Variants in CCDC171 observed in about 807,000 individuals in gnomAD.
CCDC171 encodes the protein coiled-coil domain containing 171.
In CCDC171, 177 loss-of-function variants were observed where a neutral mutation model predicts 168.2. The observed-to-expected ratio is 1.05, with a 90% CI of 0.93 to 1.19. The LOEUF is 1.19. CCDC171 is among the 50% of genes most tolerant of loss of function. The pLI is 0.00. For missense variants in CCDC171, 1,991 were observed against 1,539.0 expected, an observed-to-expected ratio of 1.29 and a Z score of -4.91; for synonymous variants, 687 against 540.8, an observed-to-expected ratio of 1.27 and a Z score of -3.75.
intron 1 of CCDC171, among the ~76,000 whole-genome samples, chr9:15,555,025 AT>A (rs1242365908): frequency 6.6e-6 from 1 of 152,156 alleles, no homozygotes; most frequent in East Asian, 1.9e-4. Flanking sequence ...AGATGAGTGC[AT>A]TTGGGATGAC....
intron 23 of CCDC171, among the ~76,000 whole-genome samples, chr9:15,858,332 A>G (rs1367026843): frequency 6.6e-6 from 1 of 151,930 alleles, no homozygotes; most frequent in East Asian, 1.9e-4. Flanking sequence ...TTTGTAATGT[A>G]TTTTGAAGTC....
intron 24 of CCDC171, among the ~76,000 whole-genome samples, chr9:15,903,983 A>T (rs904591797): frequency 1.3e-5 from 2 of 152,200 alleles, no homozygotes; most frequent in African/African-American, 4.8e-5. Flanking sequence ...AGAAAACAGA[A>T]TGAAAAGAAA....
intron 11 of CCDC171, among the ~76,000 whole-genome samples, chr9:15,704,363 A>G (rs1439450333): frequency 6.6e-6 from 1 of 152,234 alleles, no homozygotes; most frequent in East Asian, 1.9e-4. Flanking sequence ...TCTTTAACAA[A>G]TGAATAAGTA....
intron 3 of CCDC171, among the ~76,000 whole-genome samples, chr9:16,010,167 C>G (rs1319804334): frequency 6.6e-6 from 1 of 152,114 alleles, no homozygotes; most frequent in Non-Finnish European, 1.5e-5. Context: ...TGTGTGTGTA[C>G]TTTGTGGAGG....
intron 11 of CCDC171, among the ~76,000 whole-genome samples, chr9:15,714,972 A>G (rs899232756): frequency 5.3e-5 from 8 of 152,178 alleles, no homozygotes; most frequent in African/African-American, 1.9e-4. Flanking sequence ...TATGTTAAAC[A>G]TGTCCACTTT....
chr9:15,938,129 T>C (rs1011861694), intron 25 of CCDC171, among the ~76,000 whole-genome samples: 3 of 151,914 alleles, frequency 2.0e-5, no homozygotes, highest in African/African-American at 7.2e-5. Context: ...ACCAGTCTTA[T>C]GAGGGAAATG....
chr9:16,082,165 T>C, the CCDC171 span, among the ~76,000 whole-genome samples: 2 of 152,222 alleles, frequency 1.3e-5, no homozygotes, highest in Non-Finnish European at 2.9e-5. Context: ...ACCTTTCATT[T>C]CTAGACAACT....
At chr9:15,874,742 C>T in intron 24 of CCDC171, 79 bp downstream of exon 24, 2 of 1,318,076 alleles carry the variant, frequency 1.5e-6, no homozygotes, top group South Asian at 1.9e-5. Context: ...ATGAAAGCCT[C>T]AAAGTATTGT....
chr9:15,869,852 C>G (rs902402964), intron 23 of CCDC171, among the ~76,000 whole-genome samples: 1 of 151,686 alleles, frequency 6.6e-6, no homozygotes, highest in Non-Finnish European at 1.5e-5. Flanking sequence ...GCGATATAAA[C>G]TTGACTCACT....
At chr9:15,812,303 ACT>A (rs1030675327) in intron 21 of CCDC171, among the ~76,000 whole-genome samples, 7 of 152,164 alleles carry the variant, frequency 4.6e-5, no homozygotes, top group Non-Finnish European at 8.8e-5. Context: ...CCTATTGCAC[ACT>A]CATATACATA....
chr9:15,943,084 TTG>T (rs1827908636), intron 25 of CCDC171, among the ~76,000 whole-genome samples: 2 of 151,932 alleles, frequency 1.3e-5, no homozygotes, highest in Non-Finnish European at 2.9e-5. Context: ...TTTGAAGATT[TTG>T]TGTTTCGTAT....
At chr9:16,083,614 G>A in the CCDC171 span, among the ~76,000 whole-genome samples, 3 of 152,128 alleles carry the variant, frequency 2.0e-5, no homozygotes, top group Admixed American at 6.5e-5. Context: ...TTTTTAGGAC[G>A]AGGGTGGAGA....
intron 7 of CCDC171, among the ~76,000 whole-genome samples, chr9:15,653,263 C>T (rs2047668786): frequency 1.3e-5 from 2 of 152,116 alleles, no homozygotes; most frequent in Non-Finnish European, 2.9e-5. Context: ...CCTCAGCCTC[C>T]CAAGTTGCTG....
chr9:15,915,364 G>GTT lies in CCDC171; in HGVS notation c.3601-4898_3601-4897dup, dbSNP rs71325949. On this transcript the variant is annotated intron_variant, in intron 24 of 25. Transcript: ENST00000380701. ...GTCTTTGGTTAAATATATTCCTAGT[G>GTT]TTTTTTTTTATAGCTATTGGGAATT... Among the ~76,000 whole-genome samples the GTT allele has an allele frequency of 5.9e-4, 88 of 150,194 alleles. 1 individual carries two copies. The Middle Eastern group carries it at 0.01, about 18-fold the overall frequency.
chr9:15,680,734 G>T (rs2049983552), intron 10 of CCDC171, among the ~76,000 whole-genome samples: 1 of 152,074 alleles, frequency 6.6e-6, no homozygotes, highest in Admixed American at 6.6e-5. Context: ...AATTTCATGG[G>T]CTGTTTTAAC....
chr9:15,968,099 G>A (rs1830981891), intron 25 of CCDC171, among the ~76,000 whole-genome samples: 1 of 152,218 alleles, frequency 6.6e-6, no homozygotes, highest in South Asian at 2.1e-4. Context: ...ATTTTGTATT[G>A]TGAATATGTA....
chr9:15,586,088 A>G (rs2041536969), intron 4 of CCDC171, among the ~76,000 whole-genome samples: 1 of 152,248 alleles, frequency 6.6e-6, no homozygotes, highest in South Asian at 2.1e-4. Flanking sequence ...AATTAATGAT[A>G]TACATGCTGA....
At chr9:16,034,747 C>T (rs1833431863) in intron 6 of CCDC171, among the ~76,000 whole-genome samples, 1 of 152,172 alleles carries the variant, frequency 6.6e-6, no homozygotes, top group African/African-American at 2.4e-5. Context: ...TGAGACTTTA[C>T]CTACCAAAGC....
At chr9:15,562,921 C>A (rs745412015) in intron 1 of CCDC171, among the ~76,000 whole-genome samples, 14 of 152,110 alleles carry the variant, frequency 9.2e-5, no homozygotes, top group Non-Finnish European at 1.5e-5. Context: ...CTTGGTGCCC[C>A]CCACTTAATA....
Sources: gnomAD v4.1 joint callset for allele counts (sites outside exome capture counted in the v4.1 genomes callset) on GRCh38, gnomAD v4.1.1 for gene constraint, MANE v1.5 for transcripts, NCBI Gene and HGNC (gene_info 2026-07-23, HGNC 2026-07-21) for gene names.